Variants in DNAAF10 observed in about 807,000 individuals in gnomAD.
DNAAF10 encodes the protein dynein axonemal assembly factor 10.
DNAAF10 carries 28 observed loss-of-function variants against 43.7 expected under a neutral mutation model. The observed-to-expected ratio is 0.64, with a 90% CI of 0.48 to 0.88. The LOEUF (loss-of-function observed/expected upper bound fraction) is 0.88. Among genes scored for constraint, DNAAF10 ranks in the 40% least tolerant of loss-of-function variants. The probability of loss-of-function intolerance (pLI) is 0.00; values close to 1 mark genes in which losing one functional copy is unlikely to be tolerated. For missense variants in DNAAF10, 403 were observed against 439.1 expected (o/e 0.92, Z 0.73); for synonymous variants, 156 against 157.3 (o/e 0.99, Z 0.06).
At position 68,137,359 on chromosome 2, in the gene DNAAF10, G is replaced by C. The variant is rs374120850; in HGVS notation, c.708C>G (p.Phe236Leu). The C allele has an allele frequency of 4.8e-4, 780 of 1,613,558 alleles. 8 individuals are homozygous for C. In the South Asian group the frequency reaches 8.0e-3, roughly 17 times the overall value. ...GCTGTGTTCTCATGTCAAAAACATG[G>C]AACTTTCCTTCCAGAGATGTGGCTA... ...KLVATSLEGK[F>L]HVFDMRTQHP... Residue 236 changes from phenylalanine (F) to leucine (L), a missense_variant, in exon 6 of 8, where the codon TTC becomes TTG. Coordinates refer to ENST00000295121, the MANE Select transcript of DNAAF10 (RefSeq NM_138458.4).
At chr2:68,145,480 T>G (rs748589490) in intron 2 of DNAAF10, among the ~76,000 whole-genome samples, 5 of 152,212 alleles carry the variant, frequency 3.3e-5, no homozygotes, top group Non-Finnish European at 7.3e-5. Context: ...CAAAGTGATA[T>G]AGAATTCTTC....
rs1198571537 is a variant in DNAAF10, at chr2:68,130,107, GAGAGAGAGATATAT to G, written c.*1117_*1130del. The G allele has an allele frequency of 1.7e-5, 2 of 120,408 alleles. No homozygotes were observed. The highest frequency in any genetic ancestry group is 8.4e-5 in the African/African-American group (2 of 23,930). The allele number at this position is 120,408 out of a possible 1,614,324, so 7.5% of individuals were successfully genotyped here. ...ATCTAGACCAACCGTGCCGTTTTGAGAGAGAGAGATATATATATATATATTTGTTTTTTTTTTTT... is the reference window on the plus strand; with the variant it reads ...ATCTAGACCAACCGTGCCGTTTTGAGATATATATATTTGTTTTTTTTTTTT... On this transcript the variant is annotated 3_prime_UTR_variant, in exon 8 of 8. Transcript: ENST00000295121.
intron 4 of DNAAF10, 110 bp downstream of exon 4, chr2:68,141,584 A>G (rs1341592833): frequency 2.9e-6 from 3 of 1,046,158 alleles, no homozygotes; most frequent in Non-Finnish European, 4.3e-6. Flanking sequence ...TCAGTAAACT[A>G]TTAGAATAAT....
intron 3 of DNAAF10, among the ~76,000 whole-genome samples, chr2:68,142,405 C>T (rs975323804): frequency 2.0e-5 from 3 of 151,838 alleles, no homozygotes; most frequent in Middle Eastern, 3.2e-3. Flanking sequence ...TACAGGCATG[C>T]ACCACCACGC....
chr2:68,142,535 C>T (rs1258032347), intron 3 of DNAAF10, among the ~76,000 whole-genome samples: 7 of 152,062 alleles, frequency 4.6e-5, no homozygotes, highest in Non-Finnish European at 7.4e-5. Context: ...CTGGGATTAC[C>T]GGCGTGAGCC....
rs145772188 is a variant in DNAAF10, at chr2:68,152,940, T to C, written c.183+4321A>G. On this transcript the variant is annotated intron_variant, in intron 1 of 7. Coordinates refer to ENST00000295121, the MANE Select transcript of DNAAF10 (RefSeq NM_138458.4). ...AAATGCTAACAAGCAGTAAATTCGG[T>C]AGCACAGGGGCTAAAAAAGCAGAAT... Among the ~76,000 whole-genome samples, 1,247 of 152,332 alleles carry C rather than the reference T, an allele frequency of 8.2e-3. 16 individuals are homozygous for C. The highest frequency in any genetic ancestry group is 8.3e-3 in the Non-Finnish European group (567 of 68,024).
intron 1 of DNAAF10, among the ~76,000 whole-genome samples, chr2:68,156,207 T>G (rs1043259333): frequency 1.3e-5 from 2 of 152,080 alleles, no homozygotes; most frequent in Non-Finnish European, 2.9e-5. Flanking sequence ...GTTTCATGTT[T>G]GTCATTCAGG....
At chr2:68,150,524 G>A (rs1402142509) in intron 1 of DNAAF10, among the ~76,000 whole-genome samples, 2 of 152,162 alleles carry the variant, frequency 1.3e-5, no homozygotes, top group Non-Finnish European at 2.9e-5. Flanking sequence ...CCTGAGGTCA[G>A]GAGTTCAAGA....
At chr2:68,137,846 GAC>G (rs911960412) in intron 5 of DNAAF10, among the ~76,000 whole-genome samples, 3 of 144,598 alleles carry the variant, frequency 2.1e-5, no homozygotes, top group Non-Finnish European at 3.0e-5. Context: ...CATCCTGGGC[GAC>G]AGAGTGAGAC....
intron 1 of DNAAF10, among the ~76,000 whole-genome samples, chr2:68,156,032 G>T (rs1035664142): frequency 6.6e-6 from 1 of 150,654 alleles, no homozygotes; most frequent in Non-Finnish European, 1.5e-5. Flanking sequence ...AGGTGGGGAG[G>T]CGGAGGTTGC....
intron 4 of DNAAF10, among the ~76,000 whole-genome samples, chr2:68,139,151 G>A (rs1558608281): frequency 6.6e-6 from 1 of 152,160 alleles, no homozygotes; most frequent in Non-Finnish European, 1.5e-5. Flanking sequence ...GAGGTGCTGG[G>A]TCATGGGGCT....
At chr2:68,146,122 C>T (rs767544252) in intron 2 of DNAAF10, among the ~76,000 whole-genome samples, 6 of 152,020 alleles carry the variant, frequency 3.9e-5, no homozygotes, top group Non-Finnish European at 8.8e-5. Context: ...AATTGCCAGG[C>T]GTGGTGGTGG....
At chr2:68,150,700 T>A (rs1487188959) in intron 1 of DNAAF10, among the ~76,000 whole-genome samples, 1 of 151,546 alleles carries the variant, frequency 6.6e-6, no homozygotes, top group Admixed American at 6.6e-5. Flanking sequence ...ACCACCGCAC[T>A]CCAGCCTGGG....
intron 6 of DNAAF10, among the ~76,000 whole-genome samples, chr2:68,136,222 A>C (rs1673039879): frequency 7.3e-6 from 1 of 136,972 alleles, no homozygotes; most frequent in Admixed American, 6.9e-5. Context: ...TGTCTCCAGA[A>C]AAAAAAAAAA....
intron 6 of DNAAF10, among the ~76,000 whole-genome samples, chr2:68,135,505 C>T (rs746400959): frequency 6.6e-5 from 10 of 152,096 alleles, no homozygotes; most frequent in Non-Finnish European, 1.2e-4. Context: ...AAATCCATCC[C>T]GGCGCCACTG....
chr2:68,139,711 G>A (rs1673131432), intron 4 of DNAAF10, among the ~76,000 whole-genome samples: 1 of 151,620 alleles, frequency 6.6e-6, no homozygotes, highest in Admixed American at 6.6e-5. Context: ...GGCTGAGGCA[G>A]GAGAATGGCA....
intron 7 of DNAAF10, among the ~76,000 whole-genome samples, chr2:68,132,911 C>T (rs191222160): frequency 4.6e-5 from 7 of 152,266 alleles, no homozygotes; most frequent in South Asian, 4.1e-4. Flanking sequence ...ATTCCAGCTG[C>T]GAAAGTGTTC....
intron 7 of DNAAF10, chr2:68,131,658 C>T: frequency 1.9e-6 from 1 of 519,524 alleles, no homozygotes; most frequent in South Asian, 2.4e-5. Context: ...GTTATTAGTT[C>T]TACTAAAAAC....
intron 1 of DNAAF10, among the ~76,000 whole-genome samples, chr2:68,154,124 G>T (rs1673527285): frequency 6.6e-6 from 1 of 152,052 alleles, no homozygotes; most frequent in South Asian, 2.1e-4. Flanking sequence ...TTAGGAGAAA[G>T]GACTCAACTT....
Sources: allele counts gnomAD v4.1 joint callset (sites outside exome capture counted in the v4.1 genomes callset), GRCh38; gene constraint gnomAD v4.1.1; transcripts MANE v1.5; gene names NCBI Gene and HGNC (gene_info 2026-07-23, HGNC 2026-07-21).